Variants in AIMP2 observed in about 807,000 individuals in gnomAD.
AIMP2 encodes the protein aminoacyl tRNA synthetase complex interacting multifunctional protein 2.
AIMP2 carries 20 observed loss-of-function variants against 23.4 expected under a neutral mutation model. The observed-to-expected ratio is 0.85, with a 90% CI of 0.60 to 1.24. The LOEUF (loss-of-function observed/expected upper bound fraction) is 1.24. AIMP2 is among the 50% of genes most tolerant of loss of function. AIMP2 has a pLI of 0.00. For missense variants in AIMP2, 515 were observed against 414.5 expected, an observed-to-expected ratio of 1.24 and a Z score of -2.10; for synonymous variants, 210 against 170.4, an observed-to-expected ratio of 1.23 and a Z score of -1.81.
chr7:6,023,226 T>C, intron 3 of AIMP2, 77 bp from the exon 4 acceptor site: 1 of 1,478,116 alleles, frequency 6.8e-7, no homozygotes, highest in Non-Finnish European at 9.0e-7. Flanking sequence ...GTTTGGTGAC[T>C]GTCCCCTTCC....
intron 1 of AIMP2, 167 bp from the exon 2 acceptor site, chr7:6,014,979 C>G (rs533930488): frequency 5.9e-5 from 85 of 1,432,204 alleles, no homozygotes; most frequent in Non-Finnish European, 5.0e-5. Context: ...CTGGACCTCC[C>G]GAAGTGCTGG....
At chr7:6,016,349 C>T (rs183311420) in intron 2 of AIMP2, among the ~76,000 whole-genome samples, 2 of 152,302 alleles carry the variant, frequency 1.3e-5, no homozygotes, top group African/African-American at 2.4e-5. Flanking sequence ...TCAATAGCCT[C>T]CTCTAGAATG....
intron 1 of AIMP2, among the ~76,000 whole-genome samples, chr7:6,011,247 C>T (rs939669050): frequency 6.6e-6 from 1 of 152,126 alleles, no homozygotes; most frequent in African/African-American, 2.4e-5. Context: ...AATTGTTTTC[C>T]AAAGTTATAC....
At chr7:6,016,656 A>C (rs1334669448) in intron 2 of AIMP2, among the ~76,000 whole-genome samples, 1 of 152,162 alleles carries the variant, frequency 6.6e-6, no homozygotes, top group South Asian at 2.1e-4. Flanking sequence ...TGTGGTGCTC[A>C]AGATGAATTT....
intron 2 of AIMP2, among the ~76,000 whole-genome samples, chr7:6,017,524 A>G (rs1312915348): frequency 1.0e-5 from 1 of 98,842 alleles, no homozygotes; most frequent in Non-Finnish European, 2.1e-5. Context: ...CTCTGTCTCA[A>G]AAAAAAAAAA....
Position 6,009,486 on chromosome 7 carries a change from T to C in AIMP2, c.123T>C (p.Ala41=), listed in dbSNP as rs1214344217. ...HGRSYGPAPG[A]GHVQEESNLS... is the part of the protein sequence containing the mutation. ...GGAGCTACGGCCCAGCGCCGGGCGC[T>C]GGCCACGTGCAGGTAGGAGCGCGGG... The change falls in exon 1 of 4, where the codon GCT becomes GCC. Residue 41 remains alanine, a synonymous_variant. Coordinates refer to ENST00000223029, the MANE Select transcript of AIMP2 (RefSeq NM_006303.4). The C allele has an allele frequency of 1.3e-6, 2 of 1,571,168 alleles. No individual in the cohort carries two copies. Among genetic ancestry groups the C allele is most frequent in the Non-Finnish European group, 1.7e-6 (2 of 1,163,504 alleles).
intron 1 of AIMP2, 102 bp from the exon 2 acceptor site, chr7:6,015,044 G>C: frequency 1.3e-6 from 2 of 1,580,674 alleles, no homozygotes; most frequent in African/African-American, 2.7e-5. Flanking sequence ...TTAAAGGGTG[G>C]GAGGTTTGGT....
chr7:6,009,784 C>G (rs1408529273), intron 1 of AIMP2, among the ~76,000 whole-genome samples: 1 of 150,218 alleles, frequency 6.7e-6, no homozygotes, highest in Non-Finnish European at 1.5e-5. Context: ...AACCTCGTCT[C>G]TACTAAAAAT....
At chr7:6,021,746 G>A (rs1468973227) in intron 3 of AIMP2, among the ~76,000 whole-genome samples, 2 of 152,148 alleles carry the variant, frequency 1.3e-5, no homozygotes, top group African/African-American at 4.8e-5. Context: ...TCTGGGAGAA[G>A]GCTTCTGATT....
In AIMP2 at chr7:6,009,974, A is replaced by AAAAAATATACATATATATATATAT; in HGVS notation, c.135+477_135+478insAAAATATACATATATATATATATA. ...CAAAAAAAAAAAAAAAAAAAAAAAA[A>AAAAAATATACATATATATATATAT]ATATATATATATATATATGTATGTA... On this transcript the variant is annotated intron_variant, in intron 1 of 3. Coordinates refer to ENST00000223029, the MANE Select transcript of AIMP2 (RefSeq NM_006303.4). 5.3e-4 allele frequency among the ~76,000 whole-genome samples: 14 copies of AAAAAATATACATATATATATATAT among 26,662 alleles called. 3 individuals are homozygous for AAAAAATATACATATATATATATAT. The highest frequency in any genetic ancestry group is 2.0e-3 in the African/African-American group (14 of 7,136). 17.5% of individuals were successfully genotyped at this position (26,662 alleles called of 152,430 possible).
chr7:6,009,974 A>AAAAATATACATATATATATATATATATAT, intron 1 of AIMP2, among the ~76,000 whole-genome samples: 1 of 26,662 alleles, frequency 3.8e-5, no homozygotes, highest in Non-Finnish European at 6.8e-5. Context: ...AAAAAAAAAA[A>AAAAATATACATATATATATATATATATAT]ATATATATAT....
rs76693596 is a variant in AIMP2, at chr7:6,012,470, C to T, written c.136-2676C>T. ...GAACATTTTGTTATTACTCAGATCA[C>T]GAAGGACTAGATCACGCTGCACTCA... On this transcript the variant is annotated intron_variant, in intron 1 of 3. Transcript: ENST00000223029. Among the ~76,000 whole-genome samples, 326 of 152,200 alleles carry T rather than the reference C, an allele frequency of 2.1e-3. 2 individuals are homozygous for T. Among genetic ancestry groups the T allele is most frequent in the African/African-American group, 7.5e-3 (310 of 41,534 alleles).
intron 1 of AIMP2, among the ~76,000 whole-genome samples, chr7:6,010,472 T>C (rs1488066140): frequency 6.6e-6 from 1 of 151,712 alleles, no homozygotes; most frequent in Admixed American, 6.6e-5. Context: ...TTTTTTCAGA[T>C]GGAGTCTCAC....
chr7:6,012,560 G>A (rs1786756606), intron 1 of AIMP2: 3 of 195,586 alleles, frequency 1.5e-5, no homozygotes, highest in South Asian at 1.3e-4. Context: ...TCCTGACCGA[G>A]GTTTTTTTTG....
intron 1 of AIMP2, chr7:6,014,932 C>G: frequency 2.0e-6 from 2 of 998,154 alleles, no homozygotes. Context: ...GTTGGCCAGG[C>G]TGGTCTTGAA....
At chr7:6,016,651 T>G (rs1275619446) in intron 2 of AIMP2, among the ~76,000 whole-genome samples, 1 of 152,086 alleles carries the variant, frequency 6.6e-6, no homozygotes, top group Non-Finnish European at 1.5e-5. Flanking sequence ...GAGCATGTGG[T>G]GCTCAAGATG....
Position 6,015,449 on chromosome 7 carries a change from G to T in AIMP2, c.342+97G>T. Reference sequence around the variant, plus strand: ...ATTAAAGCCTTAGCTTTCAGGCCGGGCGTGGTGGCTCACGCCTGTAATTCC... The same window carrying T: ...ATTAAAGCCTTAGCTTTCAGGCCGGTCGTGGTGGCTCACGCCTGTAATTCC... On this transcript the variant is annotated intron_variant, in intron 2 of 3. Transcript: ENST00000223029. 3 of 1,371,654 alleles carry T rather than the reference G, an allele frequency of 2.2e-6. No individual in the cohort carries two copies. In the South Asian group the frequency reaches 3.7e-5, roughly 17 times the overall value. 85.0% of individuals were successfully genotyped at this position (1,371,654 alleles called of 1,614,324 possible). A position where few individuals can be genotyped will look rare whatever the true frequency, so the allele number is the denominator to read the frequency against.
chr7:6,021,687 A>C (rs1787429958), intron 3 of AIMP2, among the ~76,000 whole-genome samples: 1 of 152,158 alleles, frequency 6.6e-6, no homozygotes, highest in Non-Finnish European at 1.5e-5. Context: ...GACGTTGAGG[A>C]AGAAGACCTA....
intron 1 of AIMP2, among the ~76,000 whole-genome samples, chr7:6,014,724 T>G (rs1786908749): frequency 6.6e-6 from 1 of 151,968 alleles, no homozygotes; most frequent in African/African-American, 2.4e-5. Context: ...TATTTTTTTT[T>G]ATTTTTATTT....
Sources: allele counts gnomAD v4.1 joint callset (sites outside exome capture counted in the v4.1 genomes callset), GRCh38; gene constraint gnomAD v4.1.1; transcripts MANE v1.5; gene names NCBI Gene and HGNC (gene_info 2026-07-23, HGNC 2026-07-21).